CUL9: variants seen among roughly 807,000 people sequenced by gnomAD.
CUL9 encodes the protein cullin-9.
In CUL9, 79 loss-of-function variants were observed where a neutral mutation model predicts 272.6. The ratio of observed to expected loss-of-function variants is 0.29; its 90% CI spans 0.24 to 0.35. CUL9 has a LOEUF of 0.35. Among genes scored for constraint, CUL9 ranks in the 10% least tolerant of loss-of-function variants. The pLI, the probability that CUL9 is intolerant of heterozygous loss-of-function variation, is 1.00. For missense variants in CUL9, 2,532 were observed against 3,255.6 expected (o/e 0.78, Z 5.41); for synonymous variants, 1,186 against 1,286.5 (o/e 0.92, Z 1.67).
chr6:43,187,751 C>T lies in CUL9; in HGVS notation c.1620C>T (p.Ser540=), dbSNP rs369198783. 4.3e-5 allele frequency: 69 copies of T among 1,612,980 alleles called. No homozygotes were observed. Among genetic ancestry groups the T allele is most frequent in the Middle Eastern group, 1.8e-4 (1 of 5,656 alleles). Residue 540 remains serine, a synonymous_variant, in exon 7 of 41, where the codon TCC becomes TCT. Coordinates refer to ENST00000252050, the MANE Select transcript of CUL9 (RefSeq NM_015089.4). ...GEKALGEISV[S]VEMAESLLQV... The stretch of plus-strand genomic sequence containing the variant: ...AGGCCCTAGGTGAGATCTCTGTGTC[C>T]GTGGAAATGGCCGAGAGTCTGCTGC...
Position 43,198,793 on chromosome 6 carries a change from C to G in CUL9, c.2988C>G (p.Leu996=), listed in dbSNP as rs1196053706. 1 of 1,613,870 alleles carries G rather than the reference C, an allele frequency of 6.2e-7. No homozygotes were observed. The highest frequency in any genetic ancestry group is 1.7e-5 in the Admixed American group (1 of 60,006). ...TCCAGCAGGAGACCCAGCCTTTCCT[C>G]CTGTTGCTGCGGACTCTGGATGCTC... ...KRLQQETQPF[L]LLLRTLDAPG... is the part of the protein sequence containing the mutation. Residue 996 remains leucine (L), a synonymous_variant, in exon 12 of 41, where the codon CTC becomes CTG. Transcript: ENST00000252050.
At position 43,222,841 on chromosome 6, in the gene CUL9, G is replaced by T; in HGVS notation, c.7095G>T (p.Val2365=). 1 of 1,614,052 alleles carries T rather than the reference G, an allele frequency of 6.2e-7. No individual in the cohort carries two copies. Among genetic ancestry groups the T allele is most frequent in the Non-Finnish European group, 8.5e-7 (1 of 1,179,958 alleles). The change falls in exon 38 of 41, where the codon GTG becomes GTT. Residue 2365 remains valine (V), a synonymous_variant. Coordinates refer to ENST00000252050, the MANE Select transcript of CUL9 (RefSeq NM_015089.4). The part of the protein sequence containing the change: ...YSQDAEYMDV[V]EQQTENLELH... ...AGGACGCAGAGTACATGGATGTGGT[G>T]GAGCAGCAGACAGAGAACCTGGAGC...
rs1776063180 is a variant in CUL9, at chr6:43,218,135, A to C, written c.6282+1632A>C. ...TGACAGTGGATTTTATTTTATGAGA[A>C]GCCATGGTGGGTTTAAGCAGAATAT... is the stretch of plus-strand genomic sequence containing the variant. On this transcript the variant is annotated intron_variant, in intron 31 of 40. Coordinates refer to ENST00000252050, the MANE Select transcript of CUL9 (RefSeq NM_015089.4). The surrounding 1 kb of genome is among the most constrained non-coding windows in gnomAD (Gnocchi z 4.4). Among the ~76,000 whole-genome samples, 2 of 151,986 alleles carry C rather than the reference A, an allele frequency of 1.3e-5. No homozygotes were observed. Among genetic ancestry groups the C allele is most frequent in the Non-Finnish European group, 2.9e-5 (2 of 67,990 alleles).
intron 16 of CUL9, among the ~76,000 whole-genome samples, chr6:43,201,560 A>C (rs1774555113): frequency 6.6e-6 from 1 of 152,094 alleles, no homozygotes; most frequent in Admixed American, 6.6e-5. Flanking sequence ...GCTCACTGCA[A>C]CTTCTGCCTC....
intron 1 of CUL9, among the ~76,000 whole-genome samples, chr6:43,182,592 CGATTCTT>C (rs577110005): frequency 1.1e-3 from 169 of 151,976 alleles, no homozygotes; most frequent in African/African-American, 3.7e-3. Context: ...TCCTCCTATC[CGATTCTT>C]TTACTTCCCC....
At position 43,223,584 on chromosome 6, in the gene CUL9, C is replaced by G. The variant is rs570957897; in HGVS notation, c.7284+187C>G. 22 of 695,928 alleles carry G rather than the reference C, an allele frequency of 3.2e-5. No homozygotes were observed. Among genetic ancestry groups the G allele is most frequent in the African/African-American group, 1.5e-4 (8 of 54,840 alleles). 43.1% of individuals were successfully genotyped at this position (695,928 alleles called of 1,614,324 possible). ...TGCCTGATGCTGCTGGACCCTATCA[C>G]TTCACCTCCTGGGGATTCCTACAAA... On this transcript the variant is annotated intron_variant, in intron 39 of 40. Transcript: ENST00000252050. This position sits in a 1 kb window ranked among gnomAD's most constrained non-coding sequence, Gnocchi z 4.1.
intron 12 of CUL9, 39 bp downstream of exon 12, chr6:43,198,894 G>A (rs764675337): frequency 1.9e-6 from 3 of 1,593,632 alleles, no homozygotes; most frequent in Non-Finnish European, 2.6e-6. Flanking sequence ...TGGGACGAGG[G>A]AAACTGGCAG....
At position 43,206,337 on chromosome 6, in the gene CUL9, A is replaced by G. The variant is rs1460443240; in HGVS notation, c.5039A>G (p.Glu1680Gly). 1 of 1,614,174 alleles carries G rather than the reference A, an allele frequency of 6.2e-7. No homozygotes were observed. ...LEEEEEEEEE[E>G]EAEKELFIED... Reference sequence around the variant, plus strand: ...GTCCCTCAGGAGGAAGAGGAGGAAGAGGAAGCTGAGAAAGAATTATTTATC... The same window carrying G: ...GTCCCTCAGGAGGAAGAGGAGGAAGGGGAAGCTGAGAAAGAATTATTTATC... The change falls in exon 26 of 41, where the codon GAG (glutamate) becomes GGG (glycine). Residue 1680 changes from glutamate (E) to glycine (G), a missense_variant. Transcript: ENST00000252050. The surrounding 1 kb of genome is among the most constrained non-coding windows in gnomAD (Gnocchi z 4.8).
intron 38 of CUL9, 82 bp downstream of exon 38, chr6:43,222,978 C>A: frequency 8.5e-7 from 1 of 1,179,428 alleles, no homozygotes; most frequent in Non-Finnish European, 1.2e-6. Context: ...ACAGGTCAAG[C>A]GGCACCCTTA....
At position 43,184,222 on chromosome 6, in the gene CUL9, CTG is replaced by C. The variant is rs758677782; in HGVS notation, c.-9-76_-9-75del. On this transcript the variant is annotated intron_variant, in intron 1 of 40. Coordinates refer to ENST00000252050, the MANE Select transcript of CUL9 (RefSeq NM_015089.4). This position sits in a 1 kb window ranked among gnomAD's most constrained non-coding sequence, Gnocchi z 4.8. ...GCCTACCGATCACCACCCACCTTCT[CTG>C]TGTCTCAAGATTCCACCCCCTCCAT... is the stretch of plus-strand genomic sequence containing the variant. 61 of 1,136,314 alleles carry C rather than the reference CTG, an allele frequency of 5.4e-5. No homozygotes were observed. The highest frequency in any genetic ancestry group is 2.6e-4 in the Middle Eastern group (1 of 3,774). The allele number at this position is 1,136,314 out of a possible 1,614,324, so 70.4% of individuals were successfully genotyped here.
At chr6:43,205,138 AG>A (rs745996303) in intron 23 of CUL9, 23 bp downstream of exon 23, 250 of 1,572,676 alleles carry the variant, frequency 1.6e-4, no homozygotes, top group Non-Finnish European at 2.1e-4. Flanking sequence ...AGCTCCCCAC[AG>A]GGCTATAAGC....
chr6:43,204,012 AC>A lies in CUL9; in HGVS notation c.4159+26del, dbSNP rs758121602. 1.7e-4 allele frequency: 264 copies of A among 1,574,848 alleles called. No homozygotes were observed. In the African/African-American group the frequency reaches 3.3e-3, roughly 20 times the overall value. ...GGTAACCATGCTGACACCTGGCCCC[AC>A]TAACCAGTTCCTTGTCCTTATTCCC... is the stretch of plus-strand genomic sequence containing the variant. On this transcript the variant is annotated intron_variant, in intron 20 of 40. Transcript: ENST00000252050.
At chr6:43,207,817 A>G (rs926193348) in intron 26 of CUL9, among the ~76,000 whole-genome samples, 6 of 152,182 alleles carry the variant, frequency 3.9e-5, no homozygotes, top group African/African-American at 1.4e-4. Flanking sequence ...TGTTTCATGT[A>G]TGATTAAGAA....
Position 43,188,964 on chromosome 6 carries a change from G to A in CUL9, c.2180+249G>A, listed in dbSNP as rs1009980017. 1.4e-5 allele frequency: 5 copies of A among 367,740 alleles called. No individual in the cohort carries two copies. In the Admixed American group the frequency reaches 1.7e-4, roughly 13 times the overall value. The allele number at this position is 367,740 out of a possible 1,614,324, so 22.8% of individuals were successfully genotyped here. A position where few individuals can be genotyped will look rare whatever the true frequency, so the allele number is the denominator to read the frequency against. On this transcript the variant is annotated intron_variant, in intron 8 of 40. Coordinates refer to ENST00000252050, the MANE Select transcript of CUL9 (RefSeq NM_015089.4). The stretch of plus-strand genomic sequence containing the variant: ...TTAAATCCACCTAACACCTGAGGAA[G>A]CGTTGGTAATATTATTATCCTACTA...
intron 26 of CUL9, among the ~76,000 whole-genome samples, chr6:43,209,102 C>T (rs1054551896): frequency 1.3e-5 from 2 of 151,876 alleles, no homozygotes; most frequent in African/African-American, 4.8e-5. Context: ...CAGACATGAG[C>T]CACTGTGCCC....
intron 16 of CUL9, among the ~76,000 whole-genome samples, chr6:43,202,237 AT>A (rs1270202680): frequency 1.3e-5 from 2 of 152,194 alleles, no homozygotes; most frequent in Non-Finnish European, 1.5e-5. Context: ...ACAGATGATC[AT>A]TTCATTTGGG....
chr6:43,212,610 C>A (rs1449098914), intron 26 of CUL9, among the ~76,000 whole-genome samples: 1 of 151,466 alleles, frequency 6.6e-6, no homozygotes, highest in African/African-American at 2.4e-5. Context: ...TATGAACTCA[C>A]AGATTTTAAA....
At chr6:43,205,568 C>T (rs1312424152) in intron 24 of CUL9, 145 bp downstream of exon 24, 26 of 905,714 alleles carry the variant, frequency 2.9e-5, no homozygotes, top group South Asian at 8.4e-5. Flanking sequence ...CGGTGGCTCA[C>T]GCATGTAATC....
At chr6:43,185,220 T>A (rs528324978) in intron 2 of CUL9, among the ~76,000 whole-genome samples, 5 of 152,336 alleles carry the variant, frequency 3.3e-5, no homozygotes, top group East Asian at 3.9e-4. Context: ...AACATTTTTT[T>A]AAAAACTTAA....
Sources: gnomAD v4.1 joint callset for allele counts (sites outside exome capture counted in the v4.1 genomes callset) on GRCh38, gnomAD v4.1.1 for gene constraint, Gnocchi (gnomAD v3.1) non-coding constraint, MANE v1.5 for transcripts, NCBI Gene and HGNC (gene_info 2026-07-23, HGNC 2026-07-21) for gene names.